Variants in GAB2 observed in about 807,000 individuals in gnomAD.
GAB2 encodes GRB2-associated-binding protein 2.
GAB2 carries 26 observed loss-of-function variants against 65.5 expected under a neutral mutation model. The observed-to-expected ratio is 0.40, with a 90% CI of 0.29 to 0.55. The LOEUF is 0.55. GAB2 is among the 20% of genes least tolerant of loss of function. GAB2 has a pLI of 0.53. For missense variants in GAB2, 884 were observed against 875.8 expected (o/e 1.01, Z -0.12); for synonymous variants, 321 against 329.6 (o/e 0.97, Z 0.28).
Position 78,226,883 on chromosome 11 carries a change from G to A in GAB2, c.789C>T (p.Asp263=), listed in dbSNP as rs766041849. The part of the protein sequence containing the change: ...KPSRHNTEFR[D]STYDLPRSLA... ...GGCTGCGGGGGAGGTCGTAGGTACT[G>A]TCTCTGAATTCTGTATTGTGCCGGC... The change falls in exon 4 of 10, where the codon GAC becomes GAT. Residue 263 remains aspartate (D), a synonymous_variant. Coordinates refer to ENST00000361507, the MANE Select transcript of GAB2 (RefSeq NM_080491.3). 2 of 1,614,112 alleles carry A rather than the reference G, an allele frequency of 1.2e-6. No individual in the cohort carries two copies. Among genetic ancestry groups the A allele is most frequent in the South Asian group, 2.2e-5 (2 of 91,082 alleles).
In GAB2 at chr11:78,257,177, C is replaced by T. The variant is rs962951049; in HGVS notation, c.377-6777G>A. On this transcript the variant is annotated intron_variant, in intron 2 of 9. Coordinates refer to ENST00000361507, the MANE Select transcript of GAB2 (RefSeq NM_080491.3). ...GAAGGATTTCAGCCGAGGAGCCCAGCCCAGGCCAACCCAGCCATCGACTGG... is the reference window on the plus strand; with the variant it reads ...GAAGGATTTCAGCCGAGGAGCCCAGTCCAGGCCAACCCAGCCATCGACTGG... 2.6e-5 allele frequency among the ~76,000 whole-genome samples: 4 copies of T among 152,240 alleles called. No homozygotes were observed. The East Asian group carries it at 7.7e-4, about 29-fold the overall frequency.
chr11:78,230,359 T>G (rs1319229889), intron 3 of GAB2, among the ~76,000 whole-genome samples: 1 of 152,244 alleles, frequency 6.6e-6, no homozygotes, highest in Non-Finnish European at 1.5e-5. Context: ...GCCCTGGTCT[T>G]GCATTACTCA....
intron 1 of GAB2, among the ~76,000 whole-genome samples, chr11:78,289,802 G>A (rs1591003929): frequency 7.3e-6 from 1 of 137,102 alleles, no homozygotes; most frequent in Non-Finnish European, 1.6e-5. Context: ...TTTTGGAAAG[G>A]AAGAACAGGA....
In GAB2 at chr11:78,215,426, C is replaced by A. The variant is rs1294432939; in HGVS notation, c.*3846G>T. 1 of 152,510 alleles carries A rather than the reference C, an allele frequency of 6.6e-6. No homozygotes were observed. Among genetic ancestry groups the A allele is most frequent in the Non-Finnish European group, 1.5e-5 (1 of 68,032 alleles). 9.4% of individuals were successfully genotyped at this position (152,510 alleles called of 1,614,324 possible). ...CCCACTTGAACACACTCCTGTCCCA[C>A]CCACCGGATAAATATGTTACAATTT... On this transcript the variant is annotated 3_prime_UTR_variant, in exon 10 of 10. Coordinates refer to ENST00000361507, the MANE Select transcript of GAB2 (RefSeq NM_080491.3).
chr11:78,414,959 C>G (rs2135103431), intron 1 of GAB2, among the ~76,000 whole-genome samples: 1 of 152,158 alleles, frequency 6.6e-6, no homozygotes, highest in South Asian at 2.1e-4. Context: ...GCAACCTCAG[C>G]CTCCCGGGCT....
intron 1 of GAB2, among the ~76,000 whole-genome samples, chr11:78,333,182 A>G (rs1180074763): frequency 6.6e-6 from 1 of 152,204 alleles, no homozygotes; most frequent in Non-Finnish European, 1.5e-5. Context: ...ATCACTAACC[A>G]TCTTCCAATA....
At chr11:78,362,431 A>G (rs987676206) in intron 1 of GAB2, among the ~76,000 whole-genome samples, 1 of 152,186 alleles carries the variant, frequency 6.6e-6, no homozygotes, top group African/African-American at 2.4e-5. Flanking sequence ...CCAAATAAGC[A>G]GAGGGATAAA....
At chr11:78,291,778 C>T (rs572649972) in intron 1 of GAB2, among the ~76,000 whole-genome samples, 5 of 151,314 alleles carry the variant, frequency 3.3e-5, no homozygotes, top group African/African-American at 1.2e-4. Flanking sequence ...GCTGGCTAGG[C>T]TAATGTCAAA....
In GAB2 at chr11:78,219,377, G is replaced by C. The variant is rs2134449349; in HGVS notation, c.1926C>G (p.Asp642Glu). Residue 642 changes from aspartate to glutamate, a missense_variant, in exon 10 of 10, where the codon GAC (aspartate) becomes GAG (glutamate). Transcript: ENST00000361507. Reference protein sequence around the residue: ...TSSVTSDEKVDYVQVDKEKTQ... With the variant: ...TSSVTSDEKVEYVQVDKEKTQ... The stretch of plus-strand genomic sequence containing the variant: ...TCTTCTCCTTGTCCACCTGAACGTA[G>C]TCCACCTTCTCATCAGAGGTGACGG... 1 of 1,613,890 alleles carries C rather than the reference G, an allele frequency of 6.2e-7. No homozygotes were observed. The highest frequency in any genetic ancestry group is 8.5e-7 in the Non-Finnish European group (1 of 1,179,812).
In GAB2 at chr11:78,336,361, A is replaced by AC. The variant is rs1856002402; in HGVS notation, c.76-55461_76-55460insG. Among the ~76,000 whole-genome samples the AC allele has an allele frequency of 3.7e-5, 5 of 133,694 alleles. 1 individual carries two copies. The highest frequency in any genetic ancestry group is 3.2e-4 in the Admixed American group (4 of 12,642). The allele number at this position is 133,694 out of a possible 152,430, so 87.7% of individuals were successfully genotyped here. The stretch of plus-strand genomic sequence containing the variant: ...AAAAAAAAAAAAAAAAAAAAAAAAA[A>AC]ACACAACAAGAATTATTTCCCAGAT... On this transcript the variant is annotated intron_variant, in intron 1 of 9. Transcript: ENST00000361507.
intron 1 of GAB2, among the ~76,000 whole-genome samples, chr11:78,334,620 A>G (rs562208037): frequency 7.2e-5 from 11 of 152,362 alleles, no homozygotes; most frequent in African/African-American, 1.9e-4. Context: ...GTAATTGTGT[A>G]TAAGTACCAC....
chr11:78,308,233 A>G (rs1404600864), intron 1 of GAB2, among the ~76,000 whole-genome samples: 1 of 152,152 alleles, frequency 6.6e-6, no homozygotes, highest in African/African-American at 2.4e-5. Flanking sequence ...CACTAGGTTG[A>G]AAGAGTAGAA....
At chr11:78,291,137 G>A (rs965340845) in intron 1 of GAB2, among the ~76,000 whole-genome samples, 3 of 151,980 alleles carry the variant, frequency 2.0e-5, no homozygotes, top group African/African-American at 4.8e-5. Flanking sequence ...AGGTTGGGGA[G>A]TGTGACAGAA....
intron 2 of GAB2, among the ~76,000 whole-genome samples, chr11:78,251,185 G>A (rs565787919): frequency 5.2e-4 from 79 of 152,008 alleles, no homozygotes; most frequent in Non-Finnish European, 1.1e-3. Context: ...GTTAAATGAG[G>A]CTTTGCTTAC....
chr11:78,353,383 G>C (rs1476961922), intron 1 of GAB2, among the ~76,000 whole-genome samples: 2 of 152,258 alleles, frequency 1.3e-5, no homozygotes, highest in Non-Finnish European at 2.9e-5. Context: ...GGAGGTTGCA[G>C]TGAGCCAAGA....
At chr11:78,269,678 T>G (rs1481775470) in intron 2 of GAB2, among the ~76,000 whole-genome samples, 2 of 152,116 alleles carry the variant, frequency 1.3e-5, no homozygotes, top group Admixed American at 1.3e-4. Context: ...ATAATTTGAG[T>G]GTTGACTTAC....
At chr11:78,253,959 A>G (rs1865527637) in intron 2 of GAB2, among the ~76,000 whole-genome samples, 1 of 152,178 alleles carries the variant, frequency 6.6e-6, no homozygotes, top group Non-Finnish European at 1.5e-5. Context: ...TGCATCCTTC[A>G]TGCCCCCTAT....
chr11:78,297,456 T>G (rs1866864710), intron 1 of GAB2, among the ~76,000 whole-genome samples: 1 of 152,120 alleles, frequency 6.6e-6, no homozygotes, highest in Non-Finnish European at 1.5e-5. Flanking sequence ...ATTCAGTTCA[T>G]AAGCAATACT....
chr11:78,297,104 G>T (rs1866852487), intron 1 of GAB2, among the ~76,000 whole-genome samples: 1 of 152,126 alleles, frequency 6.6e-6, no homozygotes, highest in South Asian at 2.1e-4. Context: ...TGATTTTGGG[G>T]TTACAAGTAA....
Sources: allele counts gnomAD v4.1 joint callset (sites outside exome capture counted in the v4.1 genomes callset), GRCh38; gene constraint gnomAD v4.1.1; transcripts MANE v1.5; gene names NCBI Gene and HGNC (gene_info 2026-07-23, HGNC 2026-07-21).